Variants in PAQR5 observed in about 807,000 individuals in gnomAD.
PAQR5 encodes the protein progestin and adipoQ receptor family member 5.
PAQR5 carries 20 observed loss-of-function variants against 34.5 expected under a neutral mutation model. The observed-to-expected ratio is 0.58, with a 90% CI of 0.41 to 0.84. The LOEUF (loss-of-function observed/expected upper bound fraction) is 0.84, where lower values mean the gene tolerates loss of function less well. Among genes scored for constraint, PAQR5 ranks in the 40% least tolerant of loss-of-function variants. The probability of loss-of-function intolerance (pLI) is 0.00; values close to 1 mark genes in which losing one functional copy is unlikely to be tolerated. For synonymous variants in PAQR5, 131 were observed against 155.6 expected (o/e 0.84, Z 1.18); for missense variants, 378 against 412.7 (o/e 0.92, Z 0.73).
At chr15:69,357,475 G>C (rs1229448306) in intron 2 of PAQR5, among the ~76,000 whole-genome samples, 3 of 34,640 alleles carry the variant, frequency 8.7e-5, no homozygotes, top group Non-Finnish European at 6.8e-4. Flanking sequence ...TGTTGCCCAG[G>C]TTGGTCTCAA....
intron 6 of PAQR5, among the ~76,000 whole-genome samples, chr15:69,392,695 T>C (rs768060768): frequency 7.9e-5 from 12 of 152,112 alleles, no homozygotes; most frequent in Non-Finnish European, 1.3e-4. Context: ...GGGAGTGTAA[T>C]GTAAACAAAT....
intron 1 of PAQR5, among the ~76,000 whole-genome samples, chr15:69,308,600 G>A (rs2053766542): frequency 6.6e-6 from 1 of 152,098 alleles, no homozygotes; most frequent in Non-Finnish European, 1.5e-5. Context: ...ATTGCCAAAT[G>A]TCCACTGGGG....
intron 1 of PAQR5, among the ~76,000 whole-genome samples, chr15:69,307,359 C>T (rs1436808612): frequency 6.6e-6 from 1 of 152,162 alleles, no homozygotes; most frequent in Non-Finnish European, 1.5e-5. Context: ...TCATATGGTG[C>T]TTCTATGTTT....
intron 1 of PAQR5, among the ~76,000 whole-genome samples, chr15:69,312,095 C>G (rs1277908178): frequency 6.6e-6 from 1 of 152,046 alleles, no homozygotes; most frequent in African/African-American, 2.4e-5. Flanking sequence ...CAAGAGCAAA[C>G]TGCGGGGTGC....
chr15:69,356,954 G>T (rs1452140757), intron 2 of PAQR5, among the ~76,000 whole-genome samples: 2 of 152,106 alleles, frequency 1.3e-5, no homozygotes, highest in Non-Finnish European at 2.9e-5. Context: ...GGAGGTGTTT[G>T]TATCATGGGG....
rs577609928 is a variant in PAQR5, at chr15:69,306,595, A to G, written c.-277+7539A>G. Among the ~76,000 whole-genome samples, 565 of 151,914 alleles carry G rather than the reference A, an allele frequency of 3.7e-3. 10 individuals carry two copies. Among genetic ancestry groups the G allele is most frequent in the African/African-American group, 0.013 (524 of 41,418 alleles). ...AATTTTTGTATTTTTAGTAGAGACA[A>G]GGTTTCACCATGTTGGCCAGGATGG... On this transcript the variant is annotated intron_variant, in intron 1 of 8. Transcript: ENST00000395407.
intron 1 of PAQR5, among the ~76,000 whole-genome samples, chr15:69,334,824 C>T (rs4500669): frequency 0.8 from 122,026 of 152,116 alleles, 49,152 homozygotes; most frequent in East Asian, 0.9. Flanking sequence ...TGTCTTAACC[C>T]AAAAGAGTAA....
Position 69,379,996 on chromosome 15 carries a change from C to T in PAQR5, c.165C>T (p.His55=). The change falls in exon 4 of 9, where the codon CAC becomes CAT. Residue 55 remains histidine (H), a synonymous_variant. Coordinates refer to ENST00000395407, the MANE Select transcript of PAQR5 (RefSeq NM_017705.4). ...MTNETLNIWT[H]LLPFWFFAWR... ...ATGAGACTCTCAACATTTGGACTCACTTGCTGCCCTTCTGGTACCTTCTGG... is the reference window on the plus strand; with the variant it reads ...ATGAGACTCTCAACATTTGGACTCATTTGCTGCCCTTCTGGTACCTTCTGG... The T allele has an allele frequency of 6.2e-7, 1 of 1,614,222 alleles. No individual in the cohort carries two copies. Among genetic ancestry groups the T allele is most frequent in the East Asian group, 2.2e-5 (1 of 44,876 alleles).
At chr15:69,308,185 T>C (rs1026754773) in intron 1 of PAQR5, among the ~76,000 whole-genome samples, 1 of 152,160 alleles carries the variant, frequency 6.6e-6, no homozygotes, top group African/African-American at 2.4e-5. Context: ...CCTGGGCATG[T>C]CATATCAATC....
At chr15:69,399,925 G>T in intron 7 of PAQR5, 49 bp from the exon 8 acceptor site, 1 of 1,575,136 alleles carries the variant, frequency 6.3e-7, no homozygotes, top group African/African-American at 1.4e-5. Context: ...AAGAGGGCCT[G>T]CCTCAGGCCT....
intron 1 of PAQR5, among the ~76,000 whole-genome samples, chr15:69,310,616 A>G (rs8031053): frequency 0.052 from 7,960 of 152,272 alleles, 420 homozygotes; most frequent in East Asian, 0.15. Flanking sequence ...TAGAGGAATC[A>G]GAGGGAATCT....
At chr15:69,302,750 CT>C (rs2053632255) in intron 1 of PAQR5, among the ~76,000 whole-genome samples, 1 of 152,152 alleles carries the variant, frequency 6.6e-6, no homozygotes, top group Non-Finnish European at 1.5e-5. Flanking sequence ...GAGAGACTGA[CT>C]GGGGCTCAAG....
intron 2 of PAQR5, among the ~76,000 whole-genome samples, chr15:69,358,691 G>A (rs954174756): frequency 7.0e-6 from 1 of 143,170 alleles, no homozygotes; most frequent in Admixed American, 7.4e-5. Context: ...GAGTGCAGTG[G>A]CATGATCATG....
At chr15:69,342,937 A>G (rs1017429519) in intron 2 of PAQR5, among the ~76,000 whole-genome samples, 5 of 152,366 alleles carry the variant, frequency 3.3e-5, no homozygotes, top group South Asian at 2.1e-4. Context: ...CCACTCTGAG[A>G]TAAGCAGAAA....
At chr15:69,393,681 G>C (rs2056333402) in intron 6 of PAQR5, among the ~76,000 whole-genome samples, 1 of 152,118 alleles carries the variant, frequency 6.6e-6, no homozygotes. Flanking sequence ...CCAGGGAGGG[G>C]AAGACCTCCT....
chr15:69,323,368 C>T (rs1371288244), intron 1 of PAQR5, among the ~76,000 whole-genome samples: 4 of 152,354 alleles, frequency 2.6e-5, no homozygotes, highest in African/African-American at 9.6e-5. Context: ...CCTCTTTATG[C>T]CTTCGGCTCA....
chr15:69,341,838 G>A (rs1026437959), intron 2 of PAQR5, among the ~76,000 whole-genome samples: 16 of 151,602 alleles, frequency 1.1e-4, no homozygotes, highest in Non-Finnish European at 2.1e-4. Flanking sequence ...CAGATACTTA[G>A]GAGGCTGAGG....
At chr15:69,375,363 C>A (rs763817776) in intron 3 of PAQR5, among the ~76,000 whole-genome samples, 27 of 152,208 alleles carry the variant, frequency 1.8e-4, no homozygotes, top group Non-Finnish European at 3.5e-4. Context: ...ACCCTAATGG[C>A]CTCTTGAAAG....
rs879783716 is a variant in PAQR5, at chr15:69,300,586, T to TTTCC, written c.-277+1534_-277+1537dup. ...TTCTTTCTTTCTCTTTCTTTCTTTC[T>TTTCC]TTCCTTCTTTCTTTCTTTCTTTCTT... On this transcript the variant is annotated intron_variant, in intron 1 of 8. Transcript: ENST00000395407. 2.6e-5 allele frequency among the ~76,000 whole-genome samples: 2 copies of TTTCC among 76,714 alleles called. 1 individual carries two copies. The highest frequency in any genetic ancestry group is 6.0e-5 in the Non-Finnish European group (2 of 33,066). The allele number at this position is 76,714 out of a possible 152,430, so 50.3% of individuals were successfully genotyped here. A position where few individuals can be genotyped will look rare whatever the true frequency, so the allele number is the denominator to read the frequency against.
Sources: allele counts gnomAD v4.1 joint callset (sites outside exome capture counted in the v4.1 genomes callset), GRCh38; gene constraint gnomAD v4.1.1; transcripts MANE v1.5; gene names NCBI Gene and HGNC (gene_info 2026-07-23, HGNC 2026-07-21).